Variants in NMNAT3 observed in about 807,000 individuals in gnomAD.
NMNAT3 encodes the protein nicotinamide nucleotide adenylyltransferase 3, also known as nicotinamide/nicotinic acid mononucleotide adenylyltransferase 3.
NMNAT3 carries 21 observed loss-of-function variants against 24.8 expected under a neutral mutation model. The observed-to-expected ratio is 0.85, with a 90% confidence interval of 0.60 to 1.22. NMNAT3 has a LOEUF of 1.22. NMNAT3 is among the 50% of genes most tolerant of loss of function. The probability of loss-of-function intolerance (pLI) is 0.00; values close to 1 mark genes in which losing one functional copy is unlikely to be tolerated. For missense variants in NMNAT3, 387 were observed against 436.6 expected (o/e 0.89, Z 1.01); for synonymous variants, 136 against 155.2 (o/e 0.88, Z 0.92).
chr3:139,635,249 C>A (rs1296927071), intron 2 of NMNAT3: 1 of 152,232 alleles, frequency 6.6e-6, no homozygotes, highest in Non-Finnish European at 1.5e-5. Flanking sequence ...CATTCGGCAT[C>A]CTTCTACCTA....
At chr3:139,638,588 G>A (rs900589539) in intron 1 of NMNAT3, among the ~76,000 whole-genome samples, 7 of 152,192 alleles carry the variant, frequency 4.6e-5, no homozygotes, top group African/African-American at 1.2e-4. Context: ...CCCTTGACTT[G>A]AGAGTCTGTC....
chr3:139,666,161 C>T (rs894416862), intron 1 of NMNAT3, among the ~76,000 whole-genome samples: 8 of 152,336 alleles, frequency 5.3e-5, no homozygotes, highest in Middle Eastern at 3.4e-3. Context: ...TCCACATGCT[C>T]TTCTTACAAT....
intron 3 of NMNAT3, among the ~76,000 whole-genome samples, chr3:139,617,013 A>C (rs1287895483): frequency 6.6e-6 from 1 of 152,162 alleles, no homozygotes; most frequent in East Asian, 1.9e-4. Context: ...TTAAGCCAAG[A>C]ATGTTCTTTT....
intron 6 of NMNAT3, among the ~76,000 whole-genome samples, chr3:139,563,999 A>T (rs1936813578): frequency 6.6e-6 from 1 of 152,178 alleles, no homozygotes; most frequent in African/African-American, 2.4e-5. Context: ...GGGAAGTGCC[A>T]CTAGGATCTT....
At chr3:139,604,463 G>A (rs183634878) in intron 3 of NMNAT3, among the ~76,000 whole-genome samples, 295 of 152,264 alleles carry the variant, frequency 1.9e-3, no homozygotes, top group Non-Finnish European at 2.8e-3. Flanking sequence ...CTCAGGAATT[G>A]TGCCAAAGGC....
rs1936292961 is a variant in NMNAT3 at position 139,560,976 on chromosome 3, G to A, written c.*34C>T. The A allele has an allele frequency of 6.3e-7, 1 of 1,585,186 alleles. No individual in the cohort carries two copies. Among genetic ancestry groups the A allele is most frequent in the Admixed American group, 1.7e-5 (1 of 57,792 alleles). Reference sequence around the variant, plus strand: ...ACAGCCCTCTCCCCAGCAGGAGCTTGTTGGAGGAGGTGTGGGTGCTGAGTC... The same window carrying A: ...ACAGCCCTCTCCCCAGCAGGAGCTTATTGGAGGAGGTGTGGGTGCTGAGTC... On this transcript the variant is annotated 3_prime_UTR_variant, in exon 7 of 7. Coordinates refer to ENST00000643695, the MANE Select transcript of NMNAT3 (RefSeq NM_001320510.2).
rs933115185 is a variant in NMNAT3 at position 139,664,420 on chromosome 3, A to T, written c.-141+13285T>A. Reference sequence around the variant, plus strand: ...TTCTGTGAAAAATGAGTGGTCCAGGAGCTATGATTCCTGAAGAACAAATCA... The same window carrying T: ...TTCTGTGAAAAATGAGTGGTCCAGGTGCTATGATTCCTGAAGAACAAATCA... On this transcript the variant is annotated intron_variant, in intron 1 of 6. Transcript: ENST00000643695. 6.6e-5 allele frequency among the ~76,000 whole-genome samples: 10 copies of T among 152,324 alleles called. No individual in the cohort carries two copies. In the South Asian group the frequency reaches 2.1e-3, roughly 32 times the overall value.
chr3:139,566,634 G>T (rs1325714558), intron 6 of NMNAT3: 2 of 152,112 alleles, frequency 1.3e-5, no homozygotes, highest in Admixed American at 6.6e-5. Context: ...TTTCCCCATT[G>T]CTTGTTTTTC....
chr3:139,570,172 G>T (rs575272433), intron 6 of NMNAT3: 1 of 152,086 alleles, frequency 6.6e-6, no homozygotes, highest in Non-Finnish European at 1.5e-5. Flanking sequence ...GGTAGCTCTC[G>T]TGCCTTGGTT....
chr3:139,672,692 T>G (rs1168559730), intron 1 of NMNAT3: 1 of 152,262 alleles, frequency 6.6e-6, no homozygotes, highest in African/African-American at 2.4e-5. Context: ...TCATCTCTGG[T>G]GATAAGGTCT....
At chr3:139,633,962 C>G (rs2056402498) in intron 2 of NMNAT3, among the ~76,000 whole-genome samples, 1 of 152,218 alleles carries the variant, frequency 6.6e-6, no homozygotes, top group Non-Finnish European at 1.5e-5. Context: ...ATCAGAAAGT[C>G]TCAGGACGGC....
intron 2 of NMNAT3, 61 bp downstream of exon 3, chr3:139,634,550 T>A (rs960998656): frequency 6.6e-6 from 1 of 152,184 alleles, no homozygotes; most frequent in Non-Finnish European, 1.5e-5. Flanking sequence ...CAGTACTTTT[T>A]CTTTTTAACC....
At chr3:139,602,854 A>C (rs1230761893) in intron 3 of NMNAT3, among the ~76,000 whole-genome samples, 1 of 152,220 alleles carries the variant, frequency 6.6e-6, no homozygotes, top group African/African-American at 2.4e-5. Context: ...CTTAATTTAC[A>C]TGTCTAATGG....
At chr3:139,561,881 A>T (rs1478561715) in intron 6 of NMNAT3, among the ~76,000 whole-genome samples, 2 of 152,172 alleles carry the variant, frequency 1.3e-5, no homozygotes, top group African/African-American at 2.4e-5. Flanking sequence ...TCTCACTATA[A>T]AGATTAATTA....
chr3:139,641,594 A>G (rs938253439), intron 1 of NMNAT3, among the ~76,000 whole-genome samples: 1 of 152,234 alleles, frequency 6.6e-6, no homozygotes, highest in African/African-American at 2.4e-5. Context: ...GATAAAGCCC[A>G]AGGAGGACAT....
chr3:139,643,019 A>G (rs573113654), intron 1 of NMNAT3, among the ~76,000 whole-genome samples: 1 of 152,286 alleles, frequency 6.6e-6, no homozygotes, highest in Admixed American at 6.5e-5. Flanking sequence ...TCTTTACTCA[A>G]CAACAAAAAC....
rs192142431 is a variant in NMNAT3, at chr3:139,576,204, A to G, written c.576-2524T>C. Reference sequence around the variant, plus strand: ...GGATTTCTACCATGCTTCTAAAACCACCTGACTTTACAATTATAACTGGAT... The same window carrying G: ...GGATTTCTACCATGCTTCTAAAACCGCCTGACTTTACAATTATAACTGGAT... On this transcript the variant is annotated intron_variant, in intron 5 of 6. Coordinates refer to ENST00000643695, the MANE Select transcript of NMNAT3 (RefSeq NM_001320510.2). The G allele has an allele frequency of 6.8e-5, 67 of 985,334 alleles. No homozygotes were observed. The African/African-American group carries it at 1.1e-3, about 16-fold the overall frequency. 61.0% of individuals were successfully genotyped at this position (985,334 alleles called of 1,614,324 possible).
chr3:139,570,121 C>T (rs1224891048), intron 6 of NMNAT3: 1 of 152,204 alleles, frequency 6.6e-6, no homozygotes, highest in Non-Finnish European at 1.5e-5. Flanking sequence ...ACCCTTTCTT[C>T]CAGTTGATCG....
At chr3:139,621,176 G>A (rs35770664) in intron 3 of NMNAT3, among the ~76,000 whole-genome samples, 14,255 of 152,184 alleles carry the variant, frequency 0.094, 875 homozygotes, top group Non-Finnish European at 0.14. Flanking sequence ...AATTGCTTCA[G>A]GTCCTTAGCC....
Sources: gnomAD v4.1 joint callset for allele counts (sites outside exome capture counted in the v4.1 genomes callset) on GRCh38, gnomAD v4.1.1 for gene constraint, MANE v1.5 for transcripts, NCBI Gene and HGNC (gene_info 2026-07-23, HGNC 2026-07-21) for gene names.